The following CECR2 variants were observed in gnomAD, a reference collection of about 807,000 sequenced individuals.
The protein encoded by CECR2 is chromatin remodeling regulator CECR2.
CECR2 carries 30 observed loss-of-function variants against 154.5 expected under a neutral mutation model. That is an observed-to-expected ratio of 0.19 (90% confidence interval 0.15 to 0.26). CECR2 has a LOEUF of 0.26. Ranked by LOEUF, CECR2 falls within the 10% of genes least tolerant of loss-of-function variation. CECR2 has a pLI of 1.00. For missense variants in CECR2, 1,743 were observed against 1,829.3 expected (o/e 0.95, Z 0.86); for synonymous variants, 725 against 683.7 (o/e 1.06, Z -0.94).
rs2055960835 is a variant in CECR2 at position 17,511,819 on chromosome 22, C to T, written c.877C>T (p.Arg293Cys). The T allele has an allele frequency of 2.5e-6, 4 of 1,611,556 alleles. No individual in the cohort carries two copies. Among genetic ancestry groups the T allele is most frequent in the Non-Finnish European group, 2.5e-6 (3 of 1,178,654 alleles). ...ICNMIAQKGKRPQRTKAELHP... is the reference protein window; with the variant it reads ...ICNMIAQKGKCPQRTKAELHP... ...TCTTCACTTCTAACTATAGGGAAAA[C>T]GTCCACAGCGCACAAAGGCAGAGTT... The change falls in exon 8 of 19, where the codon CGT becomes TGT. Residue 293 changes from arginine to cysteine, a missense_variant. Physicochemically the swap from Arg to Cys is radical, Grantham distance 180. Coordinates refer to ENST00000262608, the MANE Select transcript of CECR2 (RefSeq NM_001290047.2).
chr22:17,451,630 C>G (rs555088611), intron 1 of CECR2, among the ~76,000 whole-genome samples: 1 of 152,162 alleles, frequency 6.6e-6, no homozygotes, highest in Non-Finnish European at 1.5e-5. Flanking sequence ...GGCTTTTCAA[C>G]GGTGGTTTCC....
chr22:17,388,427 C>T (rs1359083268), intron 1 of CECR2, among the ~76,000 whole-genome samples: 5 of 152,264 alleles, frequency 3.3e-5, no homozygotes, highest in South Asian at 2.1e-4. Flanking sequence ...CAGAGTGAAG[C>T]GATTTACCCA....
At chr22:17,436,360 A>G (rs2054506957) in intron 1 of CECR2, among the ~76,000 whole-genome samples, 1 of 152,250 alleles carries the variant, frequency 6.6e-6, no homozygotes, top group East Asian at 1.9e-4. Context: ...ATAATACAAC[A>G]CAGCACTTCT....
At chr22:17,436,658 C>T (rs1226589601) in intron 1 of CECR2, among the ~76,000 whole-genome samples, 1 of 152,214 alleles carries the variant, frequency 6.6e-6, no homozygotes, top group Non-Finnish European at 1.5e-5. Flanking sequence ...CCAGTAAGTT[C>T]TCCCCAGACA....
intron 1 of CECR2, among the ~76,000 whole-genome samples, chr22:17,400,903 A>C (rs2053881915): frequency 6.6e-6 from 1 of 152,038 alleles, no homozygotes; most frequent in Non-Finnish European, 1.5e-5. Context: ...GGCGCATGCC[A>C]CCGTGGCTGG....
At chr22:17,388,842 CTCACTCTGTCGCCCAGGCTGGA>C (rs2063295655) in intron 1 of CECR2, among the ~76,000 whole-genome samples, 1 of 151,854 alleles carries the variant, frequency 6.6e-6, no homozygotes, top group South Asian at 2.1e-4. Flanking sequence ...GAGGTGGAGT[CTCACTCTGTCGCCCAGGCTGGA>C]GTGCAGTGGC....
At chr22:17,415,364 A>G (rs1283170633) in intron 1 of CECR2, among the ~76,000 whole-genome samples, 1 of 151,942 alleles carries the variant, frequency 6.6e-6, no homozygotes, top group Non-Finnish European at 1.5e-5. Flanking sequence ...TAGCCTCCCA[A>G]GTAGCTGGGA....
rs1204335048 is a variant in CECR2, at chr22:17,404,364, CTTT to C, written c.126+34456_126+34458del. ...TGTGGGTTCATTTCTGGACCCTGTT[CTTT>C]CTTTTTTTTTTTTTTTTTTTTTTTG... On this transcript the variant is annotated intron_variant, in intron 1 of 18. Coordinates refer to ENST00000262608, the MANE Select transcript of CECR2 (RefSeq NM_001290047.2). 1.3e-3 allele frequency among the ~76,000 whole-genome samples: 76 copies of C among 59,622 alleles called. 5 individuals are homozygous for C. The highest frequency in any genetic ancestry group is 5.6e-3 in the African/African-American group (75 of 13,310). 39.1% of individuals were successfully genotyped at this position (59,622 alleles called of 152,430 possible).
At chr22:17,460,363 C>T (rs1466042457) in intron 1 of CECR2, among the ~76,000 whole-genome samples, 1 of 152,198 alleles carries the variant, frequency 6.6e-6, no homozygotes, top group African/African-American at 2.4e-5. Flanking sequence ...GTGCGTGCCA[C>T]CATGCCCGGC....
At chr22:17,385,824 C>T (rs1233783662) in intron 1 of CECR2, among the ~76,000 whole-genome samples, 3 of 152,158 alleles carry the variant, frequency 2.0e-5, no homozygotes, top group South Asian at 2.1e-4. Flanking sequence ...TGTATTAGAG[C>T]GGAAGGGGCA....
intron 2 of CECR2, among the ~76,000 whole-genome samples, chr22:17,484,851 C>T (rs543070783): frequency 1.3e-5 from 2 of 152,332 alleles, no homozygotes; most frequent in South Asian, 4.1e-4. Flanking sequence ...GCACTCCAGC[C>T]TCTGCGACAG....
chr22:17,547,591 A>C (rs1297700694), intron 16 of CECR2, among the ~76,000 whole-genome samples: 1 of 152,200 alleles, frequency 6.6e-6, no homozygotes. Context: ...TGCAGACAAA[A>C]TGAATGTATT....
chr22:17,416,218 CAT>C (rs1423250373), intron 1 of CECR2, among the ~76,000 whole-genome samples: 1 of 152,100 alleles, frequency 6.6e-6, no homozygotes, highest in East Asian at 1.9e-4. Context: ...AAGCTAGAGA[CAT>C]GAAGAAAGGA....
At chr22:17,410,314 C>G (rs1213588270) in intron 1 of CECR2, among the ~76,000 whole-genome samples, 1 of 152,132 alleles carries the variant, frequency 6.6e-6, no homozygotes, top group East Asian at 1.9e-4. Context: ...CTGCCCCACT[C>G]TACTGACAGT....
At chr22:17,493,705 A>G (rs1355988709) in intron 2 of CECR2, among the ~76,000 whole-genome samples, 3 of 152,230 alleles carry the variant, frequency 2.0e-5, no homozygotes. Context: ...AATCTGAAAC[A>G]TGGAATTGTT....
chr22:17,408,896 C>A (rs891306561), intron 1 of CECR2, among the ~76,000 whole-genome samples: 2 of 152,180 alleles, frequency 1.3e-5, no homozygotes, highest in African/African-American at 2.4e-5. Flanking sequence ...GTGGGGCCCA[C>A]GAAACTTTCT....
At chr22:17,551,396 G>A (rs1322574456) in intron 17 of CECR2, among the ~76,000 whole-genome samples, 4 of 152,096 alleles carry the variant, frequency 2.6e-5, no homozygotes, top group Non-Finnish European at 5.9e-5. Flanking sequence ...TGCCGTGTCT[G>A]TTTAGTCTCT....
At chr22:17,547,887 G>A (rs1328389340) in intron 16 of CECR2, among the ~76,000 whole-genome samples, 3 of 152,144 alleles carry the variant, frequency 2.0e-5, no homozygotes, top group Non-Finnish European at 4.4e-5. Flanking sequence ...GCAACCCACG[G>A]TTAAGGACAT....
chr22:17,376,743 A>G (rs1048182515), intron 1 of CECR2, among the ~76,000 whole-genome samples: 14 of 150,326 alleles, frequency 9.3e-5, no homozygotes, highest in African/African-American at 3.4e-4. Context: ...GGTTCAGGTG[A>G]TTCTCCTGCC....
Sources: allele counts gnomAD v4.1 joint callset (sites outside exome capture counted in the v4.1 genomes callset), GRCh38; gene constraint gnomAD v4.1.1; transcripts MANE v1.5; gene names NCBI Gene and HGNC (gene_info 2026-07-23, HGNC 2026-07-21).